SNX6: variants seen among roughly 807,000 people sequenced by gnomAD.
SNX6 encodes the protein sorting nexin 6.
In SNX6, 34 loss-of-function variants were observed where a neutral mutation model predicts 63.0. That is an observed-to-expected ratio of 0.54 (90% confidence interval 0.41 to 0.72). The LOEUF (loss-of-function observed/expected upper bound fraction) is 0.72. Ranked by LOEUF, SNX6 falls within the 30% of genes least tolerant of loss-of-function variation. The probability of loss-of-function intolerance (pLI) is 0.00; values close to 1 mark genes in which losing one functional copy is unlikely to be tolerated. For missense variants in SNX6, 398 were observed against 471.4 expected (o/e 0.84, Z 1.44); for synonymous variants, 170 against 164.2 (o/e 1.04, Z -0.27).
chr14:34,609,315 G>C (rs1204308614), intron 3 of SNX6, among the ~76,000 whole-genome samples: 2 of 150,406 alleles, frequency 1.3e-5, no homozygotes, highest in African/African-American at 4.9e-5. Flanking sequence ...ACTAAAAAAA[G>C]AAAAAAATAC....
chr14:34,627,408 C>T (rs529774606), intron 2 of SNX6, among the ~76,000 whole-genome samples: 2 of 152,010 alleles, frequency 1.3e-5, no homozygotes, highest in East Asian at 3.9e-4. Flanking sequence ...GATAGCACCA[C>T]TGCAGTCGGG....
intron 2 of SNX6, among the ~76,000 whole-genome samples, chr14:34,609,985 G>A (rs1447737665): frequency 6.6e-6 from 1 of 151,994 alleles, no homozygotes; most frequent in Admixed American, 6.6e-5. Context: ...ACTATATTCT[G>A]CTTTGTGTAA....
chr14:34,622,398 G>A (rs1038262975), intron 2 of SNX6, among the ~76,000 whole-genome samples: 5 of 151,550 alleles, frequency 3.3e-5, no homozygotes, highest in East Asian at 2.0e-4. Flanking sequence ...GGCTAACACC[G>A]TGAAACCCCA....
intron 2 of SNX6, among the ~76,000 whole-genome samples, chr14:34,614,049 G>A (rs1443487357): frequency 2.0e-5 from 3 of 151,990 alleles, no homozygotes; most frequent in African/African-American, 7.2e-5. Context: ...GGAAGTTGCA[G>A]TGAGGTGAGA....
At chr14:34,583,294 G>A (rs535524095) in intron 9 of SNX6, among the ~76,000 whole-genome samples, 1 of 152,294 alleles carries the variant, frequency 6.6e-6, no homozygotes, top group Non-Finnish European at 1.5e-5. Flanking sequence ...GGGCAACAGA[G>A]CGAGACTCCG....
At chr14:34,590,405 T>C (rs1209962512) in intron 8 of SNX6, among the ~76,000 whole-genome samples, 1 of 145,076 alleles carries the variant, frequency 6.9e-6, no homozygotes, top group Non-Finnish European at 1.5e-5. Flanking sequence ...TCCAGCAGCC[T>C]GGGCGACAGA....
At chr14:34,613,715 C>T (rs1319661839) in intron 2 of SNX6, among the ~76,000 whole-genome samples, 1 of 151,902 alleles carries the variant, frequency 6.6e-6, no homozygotes, top group Non-Finnish European at 1.5e-5. Flanking sequence ...ATGGCGTGAA[C>T]CCAGGAGGCA....
Position 34,562,978 on chromosome 14 carries a change from G to T in SNX6, c.*144C>A. ...ATCGCCTGGGCGTGCGCTGCTCCAT[G>T]TTTCTCAGAAAAAGAGGAGTTGATG... is the stretch of plus-strand genomic sequence containing the variant. On this transcript the variant is annotated 3_prime_UTR_variant, in exon 14 of 14. Coordinates refer to ENST00000362031, the MANE Select transcript of SNX6 (RefSeq NM_152233.4). 2.6e-6 allele frequency: 2 copies of T among 777,710 alleles called. No individual in the cohort carries two copies. The highest frequency in any genetic ancestry group is 4.3e-6 in the Non-Finnish European group (2 of 468,954). The allele number at this position is 777,710 out of a possible 1,614,324, so 48.2% of individuals were successfully genotyped here. A position where few individuals can be genotyped will look rare whatever the true frequency, so the allele number is the denominator to read the frequency against.
chr14:34,605,499 A>G (rs1324534350), intron 5 of SNX6, 97 bp downstream of exon 5: 2 of 963,854 alleles, frequency 2.1e-6, no homozygotes, highest in African/African-American at 3.3e-5. Flanking sequence ...TAATGATGGG[A>G]TATCAGAAAA....
chr14:34,576,849 C>T (rs528181984), intron 10 of SNX6, among the ~76,000 whole-genome samples: 20 of 150,554 alleles, frequency 1.3e-4, no homozygotes, highest in South Asian at 6.4e-4. Context: ...TTTGGGAGGC[C>T]GAGGCGGGCG....
intron 10 of SNX6, among the ~76,000 whole-genome samples, chr14:34,578,469 A>G (rs533758653): frequency 6.6e-6 from 1 of 151,170 alleles, no homozygotes; most frequent in South Asian, 2.1e-4. Flanking sequence ...CATCTCTACT[A>G]AAGTACAAAA....
At position 34,630,096 on chromosome 14, in the gene SNX6, G is replaced by C; in HGVS notation, c.6+15C>G. ...CACCGCGCTCCCGGGACTCGGCGCCGCGGAGAACACCCACCATCATGGCTG... is the reference window on the plus strand; with the variant it reads ...CACCGCGCTCCCGGGACTCGGCGCCCCGGAGAACACCCACCATCATGGCTG... On this transcript the variant is annotated intron_variant, in intron 1 of 13. Coordinates refer to ENST00000362031, the MANE Select transcript of SNX6 (RefSeq NM_152233.4). 1 of 1,447,616 alleles carries C rather than the reference G, an allele frequency of 6.9e-7. No individual in the cohort carries two copies. The highest frequency in any genetic ancestry group is 2.9e-5 in the East Asian group (1 of 34,494). The allele number at this position is 1,447,616 out of a possible 1,614,324, so 89.7% of individuals were successfully genotyped here. A position where few individuals can be genotyped will look rare whatever the true frequency, so the allele number is the denominator to read the frequency against.
intron 10 of SNX6, among the ~76,000 whole-genome samples, 174 bp from the exon 11 acceptor site, chr14:34,576,016 T>C (rs911982150): frequency 6.7e-6 from 1 of 149,996 alleles, no homozygotes; most frequent in African/African-American, 2.4e-5. Flanking sequence ...CTCCGCCTCC[T>C]GGGTTCACGC....
chr14:34,585,455 T>C (rs111760083), intron 9 of SNX6, among the ~76,000 whole-genome samples: 6 of 152,118 alleles, frequency 3.9e-5, no homozygotes, highest in African/African-American at 1.4e-4. Flanking sequence ...GGAAGGAGAA[T>C]GTTGCAGAGA....
chr14:34,587,348 C>T (rs941659394), intron 8 of SNX6, among the ~76,000 whole-genome samples: 6 of 151,496 alleles, frequency 4.0e-5, no homozygotes, highest in African/African-American at 1.2e-4. Flanking sequence ...CTGGCTAACA[C>T]GGTGAAACCC....
chr14:34,584,744 A>T (rs1238337396), intron 9 of SNX6, among the ~76,000 whole-genome samples: 2 of 151,254 alleles, frequency 1.3e-5, no homozygotes, highest in Non-Finnish European at 2.9e-5. Flanking sequence ...GTTGGGGAGG[A>T]AGAAAAAAAA....
At chr14:34,573,192 G>A (rs1420963761) in intron 11 of SNX6, among the ~76,000 whole-genome samples, 1 of 151,998 alleles carries the variant, frequency 6.6e-6, no homozygotes, top group South Asian at 2.1e-4. Context: ...TGCCTAGGCT[G>A]GTCTTGAACT....
chr14:34,586,180 C>T (rs1053651909), intron 9 of SNX6, 50 bp downstream of exon 9: 13 of 1,204,078 alleles, frequency 1.1e-5, no homozygotes, highest in South Asian at 2.5e-5. Flanking sequence ...GGATTACAGG[C>T]GTGAGCCACC....
rs547159677 is a variant in SNX6 at position 34,619,445 on chromosome 14, T to G, written c.55-9703A>C. Reference sequence around the variant, plus strand: ...TCAAAAAAATATATATATATATATTTAGAGAGAGAGAGAGAGAGAGAGATA... The same window carrying G: ...TCAAAAAAATATATATATATATATTGAGAGAGAGAGAGAGAGAGAGAGATA... On this transcript the variant is annotated intron_variant, in intron 2 of 13. Coordinates refer to ENST00000362031, the MANE Select transcript of SNX6 (RefSeq NM_152233.4). Among the ~76,000 whole-genome samples, 934 of 148,236 alleles carry G rather than the reference T, an allele frequency of 6.3e-3. 3 individuals are homozygous for G. The highest frequency in any genetic ancestry group is 0.022 in the African/African-American group (901 of 40,506).
Sources: gnomAD v4.1 joint callset for allele counts (sites outside exome capture counted in the v4.1 genomes callset) on GRCh38, gnomAD v4.1.1 for gene constraint, MANE v1.5 for transcripts, NCBI Gene and HGNC (gene_info 2026-07-23, HGNC 2026-07-21) for gene names.